INO80: variants seen among roughly 807,000 people sequenced by gnomAD.
The protein encoded by INO80 is chromatin-remodeling ATPase INO80.
A neutral mutation model predicts 203.4 loss-of-function variants in INO80; 20 were observed. The ratio of observed to expected loss-of-function variants is 0.10; its 90% CI spans 0.07 to 0.14. INO80 has a LOEUF of 0.14. Among genes scored for constraint, INO80 ranks in the 10% least tolerant of loss-of-function variants. INO80 has a pLI of 1.00. For missense variants in INO80, 1,419 were observed against 1,914.4 expected (o/e 0.74, Z 4.83); for synonymous variants, 726 against 685.2 (o/e 1.06, Z -0.93).
At chr15:41,048,103 T>A in intron 22 of INO80, 109 bp downstream of exon 22, 1 of 732,496 alleles carries the variant, frequency 1.4e-6, no homozygotes, top group Non-Finnish European at 2.3e-6. Context: ...AATAAGGGCC[T>A]ACCATATAGG....
At chr15:41,031,097 T>C (rs1418134334) in intron 24 of INO80, among the ~76,000 whole-genome samples, 4 of 152,334 alleles carry the variant, frequency 2.6e-5, no homozygotes, top group South Asian at 2.1e-4. Flanking sequence ...GCTCAACATA[T>C]AGCCTCAACT....
chr15:41,020,891 A>G lies in INO80; in HGVS notation c.3274+9T>C, dbSNP rs370553423. The G allele has an allele frequency of 1.9e-6, 3 of 1,569,326 alleles. No individual in the cohort carries two copies. Among genetic ancestry groups the G allele is most frequent in the Non-Finnish European group, 2.6e-6 (3 of 1,140,530 alleles). On this transcript the variant is annotated intron_variant, in intron 26 of 35. Transcript: ENST00000648947. ...CGAGGAACACATTCCAAGAGGATTG[A>G]GAACTCACCTGGAATCCTGATGAAA... is the stretch of plus-strand genomic sequence containing the variant.
At chr15:41,103,304 C>T (rs1298036888) in intron 1 of INO80, among the ~76,000 whole-genome samples, 2 of 152,200 alleles carry the variant, frequency 1.3e-5, no homozygotes, top group Non-Finnish European at 2.9e-5. Context: ...ACTACTGCTT[C>T]CTAATTGACT....
At chr15:41,112,335 C>T (rs1013360782) in intron 1 of INO80, among the ~76,000 whole-genome samples, 1 of 152,068 alleles carries the variant, frequency 6.6e-6, no homozygotes, top group Non-Finnish European at 1.5e-5. Flanking sequence ...GAATTACTAC[C>T]AAGAAGTTTC....
chr15:41,036,930 G>A (rs760169910), intron 24 of INO80, among the ~76,000 whole-genome samples: 6 of 151,858 alleles, frequency 4.0e-5, no homozygotes, highest in South Asian at 2.1e-4. Flanking sequence ...GCAAAACCCC[G>A]TCTCTCTACT....
At chr15:41,076,225 G>C (rs1179686784) in intron 9 of INO80, among the ~76,000 whole-genome samples, 1 of 152,088 alleles carries the variant, frequency 6.6e-6, no homozygotes, top group African/African-American at 2.4e-5. Flanking sequence ...GCCAGGCATG[G>C]TGGCAGGCGC....
chr15:41,037,741 G>A (rs372765450), intron 24 of INO80, among the ~76,000 whole-genome samples: 86 of 152,054 alleles, frequency 5.7e-4, no homozygotes, highest in African/African-American at 2.0e-3. Context: ...CCAGGAGTTC[G>A]AGACCAGCCT....
At chr15:41,021,498 T>G (rs573040287) in intron 25 of INO80, among the ~76,000 whole-genome samples, 138 of 152,348 alleles carry the variant, frequency 9.1e-4, no homozygotes, top group African/African-American at 3.1e-3. Context: ...TGCATGATGG[T>G]GATGCCAGAA....
At chr15:41,055,455 AGT>A in intron 17 of INO80, 91 bp from the exon 18 acceptor site, 1 of 674,544 alleles carries the variant, frequency 1.5e-6, no homozygotes, top group Admixed American at 2.6e-5. Context: ...CAGGTGTATT[AGT>A]GTGTAAGTGC....
chr15:41,058,142 AAAAT>A (rs2140553317), intron 16 of INO80, among the ~76,000 whole-genome samples: 1 of 152,320 alleles, frequency 6.6e-6, no homozygotes, highest in East Asian at 1.9e-4. Flanking sequence ...ACTCCTATCT[AAAAT>A]AATACCTTAA....
At chr15:41,070,905 C>T (rs2045299720) in intron 12 of INO80, among the ~76,000 whole-genome samples, 1 of 152,236 alleles carries the variant, frequency 6.6e-6, no homozygotes, top group Admixed American at 6.5e-5. Flanking sequence ...GGTGCAGTGG[C>T]TCATGCCCGT....
intron 24 of INO80, among the ~76,000 whole-genome samples, chr15:41,038,677 T>C (rs921923735): frequency 6.6e-6 from 1 of 152,220 alleles, no homozygotes; most frequent in East Asian, 1.9e-4. Context: ...ATCCCTTTTC[T>C]ATAATCTTTC....
rs767317081 is a variant in INO80 at position 41,050,005 on chromosome 15, G to T, written c.2372C>A (p.Ser791Tyr). 1 of 1,614,162 alleles carries T rather than the reference G, an allele frequency of 6.2e-7. No individual in the cohort carries two copies. The highest frequency in any genetic ancestry group is 1.1e-5 in the South Asian group (1 of 91,080). The part of the protein sequence containing the change: ...KISIEDLLQS[S>Y]MGSTQQAQNT... ...CTGTGCTTGTTGGGTAGAGCCCATA[G>T]AAGACTGCAATAAATCCTCAATGGA... The change falls in exon 20 of 36, where the codon TCT (serine) becomes TAT (tyrosine). Residue 791 changes from serine (S) to tyrosine (Y), a missense_variant. Ser to Tyr is a moderately radical substitution (Grantham distance 144). This residue lies in a region of INO80 where 192 missense variants were observed against 406.7 expected (regional missense o/e 0.47). Coordinates refer to ENST00000648947, the MANE Select transcript of INO80 (RefSeq NM_017553.3).
intron 24 of INO80, among the ~76,000 whole-genome samples, chr15:41,034,592 T>C (rs946913136): frequency 1.3e-5 from 2 of 152,126 alleles, no homozygotes; most frequent in African/African-American, 2.4e-5. Context: ...GAATGAAAAA[T>C]TTTCTGCCTT....
At chr15:41,101,848 C>T (rs1216774350) in intron 1 of INO80, among the ~76,000 whole-genome samples, 1 of 151,810 alleles carries the variant, frequency 6.6e-6, no homozygotes, top group Admixed American at 6.6e-5. Context: ...CCGCACCCGG[C>T]CTATTTGTAA....
intron 7 of INO80, among the ~76,000 whole-genome samples, chr15:41,084,704 C>G (rs556969559): frequency 6.6e-6 from 1 of 152,232 alleles, no homozygotes; most frequent in East Asian, 1.9e-4. Flanking sequence ...CTCTAAGAAA[C>G]ATATCAACTC....
intron 14 of INO80, among the ~76,000 whole-genome samples, chr15:41,060,212 G>A (rs143506030): frequency 1.7e-4 from 26 of 152,258 alleles, no homozygotes; most frequent in African/African-American, 6.0e-4. Context: ...CCTAGTATGT[G>A]GTATACTTTA....
chr15:41,006,348 A>C (rs1164811043), intron 27 of INO80, among the ~76,000 whole-genome samples: 1 of 152,240 alleles, frequency 6.6e-6, no homozygotes, highest in Non-Finnish European at 1.5e-5. Context: ...GTTATGTCCA[A>C]ATGAACATTT....
intron 6 of INO80, among the ~76,000 whole-genome samples, chr15:41,087,127 T>C (rs897585234): frequency 6.6e-6 from 1 of 151,206 alleles, no homozygotes; most frequent in Non-Finnish European, 1.5e-5. Flanking sequence ...ATCAAAAATA[T>C]TCAGGAAAAA....
Sources: allele counts gnomAD v4.1 joint callset (sites outside exome capture counted in the v4.1 genomes callset), GRCh38; gene constraint gnomAD v4.1.1; regional missense constraint gnomAD v4.1.1; transcripts MANE v1.5; gene names NCBI Gene and HGNC (gene_info 2026-07-23, HGNC 2026-07-21).